SPTLC3: variants seen among roughly 807,000 people sequenced by gnomAD.
SPTLC3 encodes serine palmitoyltransferase long chain base subunit 3, also known as serine palmitoyltransferase 3.
SPTLC3 carries 36 observed loss-of-function variants against 59.3 expected under a neutral mutation model. That is an observed-to-expected ratio of 0.61 (90% confidence interval 0.47 to 0.80). The LOEUF (loss-of-function observed/expected upper bound fraction) is 0.80, where lower values mean the gene tolerates loss of function less well. Among genes scored for constraint, SPTLC3 ranks in the 30% least tolerant of loss-of-function variants. The probability of loss-of-function intolerance (pLI) is 0.00; values close to 1 mark genes in which losing one functional copy is unlikely to be tolerated. For missense variants in SPTLC3, 625 were observed against 685.1 expected (o/e 0.91, Z 0.98); for synonymous variants, 257 against 240.8 (o/e 1.07, Z -0.62).
At chr20:13,128,531 C>T (rs2038045383) in intron 9 of SPTLC3, among the ~76,000 whole-genome samples, 1 of 152,164 alleles carries the variant, frequency 6.6e-6, no homozygotes, top group African/African-American at 2.4e-5. Flanking sequence ...AAGAGAGGGT[C>T]AGCCTAGAGG....
At chr20:13,083,226 A>T (rs972310644) in intron 4 of SPTLC3, among the ~76,000 whole-genome samples, 13 of 152,112 alleles carry the variant, frequency 8.5e-5, no homozygotes, top group African/African-American at 3.1e-4. Flanking sequence ...CCTATTTTTC[A>T]TCTACCTATT....
At chr20:13,128,022 T>C (rs1473543860) in intron 9 of SPTLC3, among the ~76,000 whole-genome samples, 1 of 152,232 alleles carries the variant, frequency 6.6e-6, no homozygotes, top group Non-Finnish European at 1.5e-5. Flanking sequence ...CTGAGCAAGT[T>C]ACTCAACTTC....
In SPTLC3 at chr20:13,072,320, G is replaced by C; in HGVS notation, c.368G>C (p.Arg123Thr). 6.2e-7 allele frequency: 1 copy of C among 1,613,928 alleles called. No individual in the cohort carries two copies. The highest frequency in any genetic ancestry group is 8.5e-7 in the Non-Finnish European group (1 of 1,179,900). Residue 123 changes from arginine (R) to threonine (T), a missense_variant, in exon 3 of 12, where the codon AGA (arginine) becomes ACA (threonine). Arg to Thr is a moderately conservative substitution (Grantham distance 71). Transcript: ENST00000399002. ...ACAAGAAACCTTTACATGCGAATCA[G>C]AGACAACTGGAACCGGCCCATCTGC... ...FYTRNLYMRI[R>T]DNWNRPICSA...
intron 1 of SPTLC3, 42 bp downstream of exon 1, chr20:13,009,426 C>A (rs759207778): frequency 2.0e-6 from 3 of 1,512,214 alleles, no homozygotes; most frequent in Non-Finnish European, 2.8e-6. Flanking sequence ...ATTACCTGAA[C>A]GTTTCAATAT....
intron 2 of SPTLC3, among the ~76,000 whole-genome samples, chr20:13,063,291 G>A (rs917741378): frequency 6.6e-6 from 1 of 152,060 alleles, no homozygotes; most frequent in South Asian, 2.1e-4. Context: ...TTGATTTAGA[G>A]GAACTCTATG....
At position 13,098,807 on chromosome 20, in the gene SPTLC3, G is replaced by A. The variant is rs1989507805; in HGVS notation, c.826+5230G>A. Among the ~76,000 whole-genome samples the A allele has an allele frequency of 2.0e-5, 3 of 152,140 alleles. No individual in the cohort carries two copies. The South Asian group carries it at 6.2e-4, about 32-fold the overall frequency. The stretch of plus-strand genomic sequence containing the variant: ...CTGCTTTACAAATGAGAAGATTCAG[G>A]CTTAGAGTTATTAAGCAACTTGTCC... On this transcript the variant is annotated intron_variant, in intron 6 of 11. Transcript: ENST00000399002.
chr20:13,048,353 T>G (rs1329083603), intron 1 of SPTLC3, among the ~76,000 whole-genome samples: 1 of 152,192 alleles, frequency 6.6e-6, no homozygotes, highest in East Asian at 1.9e-4. Flanking sequence ...CTTCCACACT[T>G]CTTTTCTTTT....
chr20:13,064,279 T>G (rs1410257337), intron 2 of SPTLC3, among the ~76,000 whole-genome samples: 12 of 136,688 alleles, frequency 8.8e-5, no homozygotes, highest in Admixed American at 5.1e-4. Flanking sequence ...TTCTTTTTTT[T>G]TTTTGTTTTG....
intron 1 of SPTLC3, among the ~76,000 whole-genome samples, chr20:13,034,869 A>T (rs1269582114): frequency 6.6e-6 from 1 of 152,100 alleles, no homozygotes; most frequent in Non-Finnish European, 1.5e-5. Context: ...AGAGTTGAGG[A>T]GTCAAAATCA....
At chr20:13,139,604 G>C (rs2038333693) in intron 9 of SPTLC3, among the ~76,000 whole-genome samples, 1 of 152,114 alleles carries the variant, frequency 6.6e-6, no homozygotes, top group African/African-American at 2.4e-5. Context: ...TTGCATTTCT[G>C]CCCACATTCC....
chr20:13,052,315 T>A (rs915065989), intron 2 of SPTLC3, among the ~76,000 whole-genome samples: 4 of 152,106 alleles, frequency 2.6e-5, no homozygotes, highest in Admixed American at 2.6e-4. Flanking sequence ...TGAGGGACTG[T>A]GCCACGAGGA....
chr20:13,105,386 A>G (rs1201152945), intron 6 of SPTLC3, among the ~76,000 whole-genome samples: 2 of 152,208 alleles, frequency 1.3e-5, no homozygotes, highest in Non-Finnish European at 2.9e-5. Flanking sequence ...AGTCAAACAC[A>G]ACGAAGTCCC....
At chr20:13,150,023 A>C (rs75397596) in intron 9 of SPTLC3, among the ~76,000 whole-genome samples, 2,183 of 152,326 alleles carry the variant, frequency 0.014, 25 homozygotes, top group South Asian at 0.028. Context: ...ATGATCCGCA[A>C]AAGTGCTGAA....
At chr20:13,044,104 CT>C (rs61675971) in intron 1 of SPTLC3, among the ~76,000 whole-genome samples, 37,914 of 127,538 alleles carry the variant, frequency 0.3, 4,747 homozygotes, top group Middle Eastern at 0.39. Flanking sequence ...TCTTTTTTTT[CT>C]TTTTTTTTTT....
chr20:13,087,206 G>A (rs143100000), intron 4 of SPTLC3, among the ~76,000 whole-genome samples: 73 of 152,268 alleles, frequency 4.8e-4, no homozygotes, highest in African/African-American at 1.1e-3. Context: ...GTTTTATTGC[G>A]TGACAACACA....
chr20:13,092,654 A>G (rs538629972), intron 5 of SPTLC3, among the ~76,000 whole-genome samples: 79 of 152,186 alleles, frequency 5.2e-4, no homozygotes, highest in Non-Finnish European at 9.1e-4. Context: ...ATGTTCCGCC[A>G]GAAAAATTAC....
At chr20:13,156,792 A>G (rs1187596785) in intron 10 of SPTLC3, among the ~76,000 whole-genome samples, 1 of 152,208 alleles carries the variant, frequency 6.6e-6, no homozygotes, top group Non-Finnish European at 1.5e-5. Context: ...ACTCTGCAAC[A>G]ATGATGATCA....
chr20:13,097,347 T>C (rs1392993415), intron 6 of SPTLC3, among the ~76,000 whole-genome samples: 1 of 152,128 alleles, frequency 6.6e-6, no homozygotes, highest in Non-Finnish European at 1.5e-5. Flanking sequence ...AAAAGGCACC[T>C]GGGAGTTCTG....
chr20:13,036,152 T>TA (rs1230709924), intron 1 of SPTLC3, among the ~76,000 whole-genome samples: 2 of 151,938 alleles, frequency 1.3e-5, no homozygotes, highest in African/African-American at 2.4e-5. Flanking sequence ...AGGTGATGAT[T>TA]TAAAAAAAAA....
Sources: gnomAD v4.1 joint callset for allele counts (sites outside exome capture counted in the v4.1 genomes callset) on GRCh38, gnomAD v4.1.1 for gene constraint, MANE v1.5 for transcripts, NCBI Gene and HGNC (gene_info 2026-07-23, HGNC 2026-07-21) for gene names.